The following NR5A2 variants were observed in gnomAD, a reference collection of about 807,000 sequenced individuals.
NR5A2 encodes nuclear receptor subfamily 5 group A member 2.
A neutral mutation model predicts 62.7 loss-of-function variants in NR5A2; 26 were observed. The observed-to-expected ratio is 0.41, with a 90% confidence interval of 0.30 to 0.58. The LOEUF (loss-of-function observed/expected upper bound fraction) is 0.58, where lower values mean the gene tolerates loss of function less well. Ranked by LOEUF, NR5A2 falls within the 20% of genes least tolerant of loss-of-function variation. The probability of loss-of-function intolerance (pLI) is 0.22; values close to 1 mark genes in which losing one functional copy is unlikely to be tolerated. For missense variants in NR5A2, 541 were observed against 669.1 expected (o/e 0.81, Z 2.11); for synonymous variants, 246 against 241.7 (o/e 1.02, Z -0.16).
intron 5 of NR5A2, among the ~76,000 whole-genome samples, chr1:200,067,482 G>A (rs1663541202): frequency 6.6e-6 from 1 of 152,192 alleles, no homozygotes; most frequent in East Asian, 1.9e-4. Context: ...CTTGAACCTG[G>A]GAGGTGGAGG....
At chr1:200,122,580 G>T (rs1311672933) in intron 7 of NR5A2, among the ~76,000 whole-genome samples, 2 of 152,142 alleles carry the variant, frequency 1.3e-5, no homozygotes, top group African/African-American at 4.8e-5. Context: ...TAAGGAGGGG[G>T]TTGGGCTAGA....
chr1:200,156,905 G>T (rs149721702), intron 7 of NR5A2, among the ~76,000 whole-genome samples: 1 of 152,086 alleles, frequency 6.6e-6, no homozygotes, highest in Admixed American at 6.5e-5. Context: ...TTCAACTTAC[G>T]ATGGGCTTAT....
chr1:200,135,626 GA>G (rs1667190865), intron 7 of NR5A2, among the ~76,000 whole-genome samples: 1 of 152,098 alleles, frequency 6.6e-6, no homozygotes, highest in Non-Finnish European at 1.5e-5. Flanking sequence ...GCCTAATGGT[GA>G]TGACTGCAAA....
chr1:200,160,080 A>C (rs553739013), intron 7 of NR5A2, among the ~76,000 whole-genome samples: 1 of 152,334 alleles, frequency 6.6e-6, no homozygotes, highest in African/African-American at 2.4e-5. Flanking sequence ...GCTACCCTCT[A>C]AGACCTAGGG....
At chr1:200,074,741 A>AAAAAAAC (rs1289265413) in intron 5 of NR5A2, among the ~76,000 whole-genome samples, 3 of 76,228 alleles carry the variant, frequency 3.9e-5, no homozygotes, top group African/African-American at 1.5e-4. Context: ...CATCTCAAAA[A>AAAAAAAC]AAAAAAAAAA....
intron 5 of NR5A2, chr1:200,054,036 C>T (rs541735263): frequency 3.9e-5 from 6 of 152,180 alleles, no homozygotes; most frequent in Middle Eastern, 3.4e-3. Flanking sequence ...GTATGCTTGT[C>T]GAGATAGCAG....
chr1:200,041,445 C>A (rs1662077847), intron 2 of NR5A2, among the ~76,000 whole-genome samples: 1 of 152,156 alleles, frequency 6.6e-6, no homozygotes, highest in Admixed American at 6.5e-5. Context: ...TCGGGAGGAG[C>A]CCCTGGGGGA....
chr1:200,070,423 A>C (rs2251479), intron 5 of NR5A2, among the ~76,000 whole-genome samples: 75,135 of 151,868 alleles, frequency 0.49, 18,633 homozygotes, highest in African/African-American at 0.54. Flanking sequence ...GGTGCTGTGG[A>C]TCACACCTGT....
intron 5 of NR5A2, among the ~76,000 whole-genome samples, chr1:200,051,720 G>GT (rs1662643147): frequency 6.6e-6 from 1 of 152,168 alleles, no homozygotes; most frequent in South Asian, 2.1e-4. Flanking sequence ...TCAGTAGAGA[G>GT]TTGGGAGGTG....
intron 5 of NR5A2, among the ~76,000 whole-genome samples, chr1:200,095,505 T>C (rs903925625): frequency 6.6e-6 from 1 of 152,180 alleles, no homozygotes; most frequent in Non-Finnish European, 1.5e-5. Flanking sequence ...GAATGGGTTA[T>C]GATTACTACT....
chr1:200,056,195 T>C, intron 5 of NR5A2, among the ~76,000 whole-genome samples: 1 of 152,366 alleles, frequency 6.6e-6, no homozygotes, highest in East Asian at 1.9e-4. Flanking sequence ...TGCTTTCTTC[T>C]GAGCTTTCTT....
chr1:200,073,519 AAG>A (rs1369595999), intron 5 of NR5A2, among the ~76,000 whole-genome samples: 2 of 151,872 alleles, frequency 1.3e-5, no homozygotes, highest in East Asian at 3.9e-4. Context: ...TATAATACCT[AAG>A]AGAGTATAAG....
At chr1:200,088,207 T>A (rs1387552749) in intron 5 of NR5A2, among the ~76,000 whole-genome samples, 3 of 152,000 alleles carry the variant, frequency 2.0e-5, no homozygotes, top group African/African-American at 4.8e-5. Context: ...GCCCAGCCCC[T>A]TGTTTTTTTT....
chr1:200,172,859 T>C (rs1375217279), intron 7 of NR5A2, among the ~76,000 whole-genome samples: 1 of 151,864 alleles, frequency 6.6e-6, no homozygotes, highest in African/African-American at 2.4e-5. Flanking sequence ...ATATTCTCTT[T>C]CTTATTTATT....
intron 7 of NR5A2, among the ~76,000 whole-genome samples, chr1:200,127,447 C>A (rs1316332678): frequency 1.3e-5 from 2 of 151,558 alleles, no homozygotes; most frequent in Non-Finnish European, 2.9e-5. Context: ...GAGGCCAAGG[C>A]GGGTGGATCA....
intron 6 of NR5A2, among the ~76,000 whole-genome samples, chr1:200,113,211 T>G (rs1666044195): frequency 6.6e-6 from 1 of 152,148 alleles, no homozygotes; most frequent in Admixed American, 6.6e-5. Flanking sequence ...CAGCCTGGAT[T>G]CTTCCAGCTC....
At chr1:200,152,423 A>G (rs1653174675) in intron 7 of NR5A2, among the ~76,000 whole-genome samples, 1 of 152,194 alleles carries the variant, frequency 6.6e-6, no homozygotes, top group African/African-American at 2.4e-5. Flanking sequence ...ATCTTTAGAG[A>G]TAATATATTT....
Position 200,039,609 on chromosome 1 carries a change from G to T in NR5A2, c.65-49G>T, listed in dbSNP as rs781394260. The T allele has an allele frequency of 1.9e-6, 3 of 1,606,634 alleles. No individual in the cohort carries two copies. The highest frequency in any genetic ancestry group is 1.4e-5 in the African/African-American group (1 of 73,870). ...GGTTGGGTTAGCAGGCATCCCGGTC[G>T]CCCCTTCCTTCTTTTCGCCGGAGTT... On this transcript the variant is annotated intron_variant, in intron 1 of 7. Coordinates refer to ENST00000367362, the MANE Select transcript of NR5A2 (RefSeq NM_205860.3). The surrounding 1 kb of genome is among the most constrained non-coding windows in gnomAD (Gnocchi z 5.1).
chr1:200,048,962 A>G lies in NR5A2; in HGVS notation c.1110+144A>G. The G allele has an allele frequency of 9.3e-7, 1 of 1,073,114 alleles. No homozygotes were observed. Among genetic ancestry groups the G allele is most frequent in the Non-Finnish European group, 1.3e-6 (1 of 754,764 alleles). 66.5% of individuals were successfully genotyped at this position (1,073,114 alleles called of 1,614,324 possible). ...TTTACAGAGTAGACGTAATTTTATT[A>G]CCTTGACTTCAGGACTGTGGCAGCT... On this transcript the variant is annotated intron_variant, in intron 5 of 7. Coordinates refer to ENST00000367362, the MANE Select transcript of NR5A2 (RefSeq NM_205860.3). The surrounding 1 kb of genome is among the most constrained non-coding windows in gnomAD (Gnocchi z 4.8).
Sources: gnomAD v4.1 joint callset for allele counts (sites outside exome capture counted in the v4.1 genomes callset) on GRCh38, gnomAD v4.1.1 for gene constraint, Gnocchi (gnomAD v3.1) non-coding constraint, MANE v1.5 for transcripts, NCBI Gene and HGNC (gene_info 2026-07-23, HGNC 2026-07-21) for gene names.